DENND1A: variants seen among roughly 807,000 people sequenced by gnomAD.
DENND1A encodes the protein DENN domain-containing protein 1A.
In DENND1A, 51 loss-of-function variants were observed where a neutral mutation model predicts 113.7. That is an observed-to-expected ratio of 0.45 (90% CI 0.36 to 0.57). The LOEUF (loss-of-function observed/expected upper bound fraction) is 0.57. Ranked by LOEUF, DENND1A falls within the 20% of genes least tolerant of loss-of-function variation. DENND1A has a pLI of 0.00. For synonymous variants in DENND1A, 565 were observed against 570.8 expected, an observed-to-expected ratio of 0.99 and a Z score of 0.14; for missense variants, 1,258 against 1,395.9, an observed-to-expected ratio of 0.90 and a Z score of 1.57.
chr9:123,835,451 T>C (rs1240076963), intron 2 of DENND1A, among the ~76,000 whole-genome samples: 3 of 152,068 alleles, frequency 2.0e-5, no homozygotes, highest in African/African-American at 7.2e-5. Context: ...TCTGTGTCCC[T>C]CTAGTAATGA....
chr9:123,913,732 C>T (rs1477429186), intron 1 of DENND1A, among the ~76,000 whole-genome samples: 2 of 151,708 alleles, frequency 1.3e-5, no homozygotes, highest in East Asian at 3.9e-4. Context: ...ATAGAGAAAC[C>T]CCGTCTCTAC....
chr9:123,601,566 C>T (rs1386451676), intron 11 of DENND1A, among the ~76,000 whole-genome samples: 1 of 152,172 alleles, frequency 6.6e-6, no homozygotes, highest in Non-Finnish European at 1.5e-5. Context: ...TAAGGAAATT[C>T]CAGGACCAAG....
At chr9:123,413,837 CCCT>C (rs1164259674) in intron 19 of DENND1A, 1 of 984,974 alleles carries the variant, frequency 1.0e-6, no homozygotes, top group Non-Finnish European at 1.2e-6. Flanking sequence ...GCCCCCCCAC[CCCT>C]CAATTCACAC....
chr9:123,763,123 T>C (rs1462727009), intron 4 of DENND1A, among the ~76,000 whole-genome samples: 3 of 151,892 alleles, frequency 2.0e-5, no homozygotes, highest in African/African-American at 2.4e-5. Flanking sequence ...AGAATGCCAC[T>C]GAATGATTTT....
At chr9:123,569,207 G>C (rs887608380) in intron 12 of DENND1A, among the ~76,000 whole-genome samples, 2 of 152,110 alleles carry the variant, frequency 1.3e-5, no homozygotes, top group African/African-American at 4.8e-5. Context: ...AAAGAAATCC[G>C]TGTACAATAT....
intron 1 of DENND1A, chr9:123,928,514 A>C: frequency 1.0e-6 from 1 of 962,320 alleles, no homozygotes; most frequent in Non-Finnish European, 1.2e-6. Context: ...TCTTGTTTGG[A>C]GCATGCTTCT....
intron 13 of DENND1A, among the ~76,000 whole-genome samples, chr9:123,481,292 G>T (rs189758499): frequency 6.6e-6 from 1 of 152,214 alleles, no homozygotes; most frequent in Non-Finnish European, 1.5e-5. Context: ...GTTGGTGGAG[G>T]TGGCAATGGT....
chr9:123,496,045 G>A (rs886390159), intron 13 of DENND1A, among the ~76,000 whole-genome samples: 7 of 152,168 alleles, frequency 4.6e-5, no homozygotes, highest in East Asian at 1.9e-4. Context: ...AGAGCATTAC[G>A]ATCAAGCACA....
At chr9:123,763,075 AGAT>A (rs2071173849) in intron 4 of DENND1A, among the ~76,000 whole-genome samples, 1 of 149,480 alleles carries the variant, frequency 6.7e-6, no homozygotes, top group Admixed American at 6.6e-5. Context: ...TAAAGAATTC[AGAT>A]TTTTTTTTTT....
chr9:123,881,579 C>T (rs1294776084), intron 1 of DENND1A, among the ~76,000 whole-genome samples: 1 of 152,202 alleles, frequency 6.6e-6, no homozygotes, highest in East Asian at 1.9e-4. Context: ...GAGCTTCCCA[C>T]ATTTTTACTC....
intron 12 of DENND1A, among the ~76,000 whole-genome samples, chr9:123,580,472 G>A (rs1448561429): frequency 6.6e-6 from 1 of 152,164 alleles, no homozygotes; most frequent in Admixed American, 6.5e-5. Flanking sequence ...TCTCTTTGCT[G>A]CTCAGTGCCA....
chr9:123,438,499 G>A (rs902245024), intron 19 of DENND1A, among the ~76,000 whole-genome samples: 4 of 152,154 alleles, frequency 2.6e-5, no homozygotes, highest in Admixed American at 2.6e-4. Context: ...AAGGCATCTC[G>A]CGGCTGTGGG....
chr9:123,824,202 G>C (rs1258003924), intron 2 of DENND1A, among the ~76,000 whole-genome samples: 1 of 152,120 alleles, frequency 6.6e-6, no homozygotes, highest in Non-Finnish European at 1.5e-5. Flanking sequence ...GTAAAGTAGG[G>C]AGAATCTGAC....
intron 10 of DENND1A, among the ~76,000 whole-genome samples, chr9:123,611,332 G>A (rs1480769979): frequency 6.6e-6 from 1 of 152,146 alleles, no homozygotes; most frequent in Non-Finnish European, 1.5e-5. Flanking sequence ...TTCCCAGTGT[G>A]CCTGGCTCTG....
intron 10 of DENND1A, among the ~76,000 whole-genome samples, chr9:123,624,841 T>G (rs1488670528): frequency 2.0e-5 from 3 of 152,012 alleles, no homozygotes; most frequent in African/African-American, 7.3e-5. Flanking sequence ...CACAGGAAAA[T>G]AAAACATCTA....
At chr9:123,399,524 T>A (rs1417879088) in intron 21 of DENND1A, among the ~76,000 whole-genome samples, 1 of 152,160 alleles carries the variant, frequency 6.6e-6, no homozygotes, top group Non-Finnish European at 1.5e-5. Flanking sequence ...CACGCCACCA[T>A]GCCCGGCTAA....
intron 13 of DENND1A, among the ~76,000 whole-genome samples, chr9:123,485,934 A>T (rs919870784): frequency 2.6e-5 from 4 of 152,112 alleles, no homozygotes; most frequent in Non-Finnish European, 5.9e-5. Context: ...CATTTTCTGA[A>T]TCCATCTCCC....
At chr9:123,610,291 TA>T (rs1483284592) in intron 10 of DENND1A, among the ~76,000 whole-genome samples, 1 of 152,208 alleles carries the variant, frequency 6.6e-6, no homozygotes, top group Non-Finnish European at 1.5e-5. Flanking sequence ...TGCTAGACAT[TA>T]TATGAGGAAC....
intron 10 of DENND1A, among the ~76,000 whole-genome samples, chr9:123,628,594 C>A (rs1457526394): frequency 6.6e-6 from 1 of 152,150 alleles, no homozygotes; most frequent in African/African-American, 2.4e-5. Context: ...CATGGTGAAT[C>A]TGTTATAAGG....
Sources: allele counts gnomAD v4.1 joint callset (sites outside exome capture counted in the v4.1 genomes callset), GRCh38; gene constraint gnomAD v4.1.1; transcripts MANE v1.5; gene names NCBI Gene and HGNC (gene_info 2026-07-23, HGNC 2026-07-21).